The following ALDH1A2 variants were observed in gnomAD, a reference collection of about 807,000 sequenced individuals.
The protein encoded by ALDH1A2 is aldehyde dehydrogenase 1 family member A2.
ALDH1A2 carries 27 observed loss-of-function variants against 60.3 expected under a neutral mutation model. That is an observed-to-expected ratio of 0.45 (90% CI 0.33 to 0.62). The LOEUF (loss-of-function observed/expected upper bound fraction) is 0.62. ALDH1A2 is among the 20% of genes least tolerant of loss of function. The probability of loss-of-function intolerance (pLI) is 0.02; values close to 1 mark genes in which losing one functional copy is unlikely to be tolerated. For synonymous variants in ALDH1A2, 289 were observed against 232.4 expected, an observed-to-expected ratio of 1.24 and a Z score of -2.21; for missense variants, 581 against 643.8, an observed-to-expected ratio of 0.90 and a Z score of 1.06.
intron 7 of ALDH1A2, among the ~76,000 whole-genome samples, chr15:57,988,124 C>T (rs774475989): frequency 3.9e-5 from 6 of 152,008 alleles, no homozygotes; most frequent in African/African-American, 1.4e-4. Context: ...AATTTTAAAA[C>T]AAAAACAGCA....
chr15:58,050,743 A>G (rs1896753875), intron 1 of ALDH1A2, among the ~76,000 whole-genome samples: 1 of 152,214 alleles, frequency 6.6e-6, no homozygotes, highest in Non-Finnish European at 1.5e-5. Context: ...TCTAGTCACT[A>G]AAGCCTATTT....
At chr15:58,056,058 G>C (rs186284778) in intron 1 of ALDH1A2, among the ~76,000 whole-genome samples, 1 of 152,250 alleles carries the variant, frequency 6.6e-6, no homozygotes, top group East Asian at 1.9e-4. Context: ...ACATGAGCAA[G>C]AGTACAACCA....
In ALDH1A2 at chr15:57,954,346, G is replaced by GT. The variant is rs1331483368; in HGVS notation, c.*850dup. 6.5e-6 allele frequency: 1 copy of GT among 152,700 alleles called. No homozygotes were observed. The highest frequency in any genetic ancestry group is 2.4e-5 in the African/African-American group (1 of 41,446). The allele number at this position is 152,700 out of a possible 1,614,324, so 9.5% of individuals were successfully genotyped here. On this transcript the variant is annotated 3_prime_UTR_variant, in exon 13 of 13. Transcript: ENST00000249750. ...TCAAATTCTTGGGCCTACTCGGATT[G>GT]TTTTTTGGTTGGTTCTAAGAAAAAC...
intron 1 of ALDH1A2, among the ~76,000 whole-genome samples, chr15:58,045,583 T>C (rs546567831): frequency 1.3e-5 from 2 of 152,250 alleles, no homozygotes; most frequent in South Asian, 2.1e-4. Context: ...GATGAGTTCA[T>C]GTCCTTTGCA....
chr15:58,032,012 C>A (rs1189335711), intron 1 of ALDH1A2, among the ~76,000 whole-genome samples: 2 of 152,168 alleles, frequency 1.3e-5, no homozygotes, highest in African/African-American at 4.8e-5. Context: ...TGGGTATATA[C>A]CCAAAGGATT....
At chr15:58,012,043 G>A (rs1895648298) in intron 3 of ALDH1A2, 1 of 152,060 alleles carries the variant, frequency 6.6e-6, no homozygotes, top group South Asian at 2.1e-4. Context: ...TTCCAGTCAG[G>A]AGCTCCCCTT....
At chr15:57,969,775 C>T (rs1315589201) in intron 7 of ALDH1A2, among the ~76,000 whole-genome samples, 1 of 152,056 alleles carries the variant, frequency 6.6e-6, no homozygotes, top group African/African-American at 2.4e-5. Flanking sequence ...ATTTTTAGTT[C>T]GCCATCACCT....
chr15:57,992,959 C>G lies in ALDH1A2; in HGVS notation c.670G>C (p.Ala224Pro). The G allele has an allele frequency of 6.2e-7, 1 of 1,614,076 alleles. No homozygotes were observed. The highest frequency in any genetic ancestry group is 2.2e-5 in the East Asian group (1 of 44,874). The change falls in exon 6 of 13, where the codon GCC (alanine) becomes CCC (proline). Residue 224 changes from alanine (A) to proline (P), a missense_variant. This residue lies in a region of ALDH1A2 where 375 missense variants were observed against 469.7 expected (regional missense o/e 0.80). Transcript: ENST00000249750. Reference sequence around the variant, plus strand: ...GTTTCTCTTACCTCCTTGATGAGGGCTCCCATGTAGAGTGCACTGAGTGGT... The same window carrying G: ...GTTTCTCTTACCTCCTTGATGAGGGGTCCCATGTAGAGTGCACTGAGTGGT... ...QTPLSALYMG[A>P]LIKEAGFPPG...
chr15:58,049,400 G>T (rs922504070), intron 1 of ALDH1A2, among the ~76,000 whole-genome samples: 9 of 152,112 alleles, frequency 5.9e-5, no homozygotes, highest in Non-Finnish European at 1.2e-4. Flanking sequence ...TTGAGTGGTT[G>T]TAAGGATTAA....
At chr15:57,985,886 G>A (rs986934025) in intron 7 of ALDH1A2, among the ~76,000 whole-genome samples, 7 of 152,146 alleles carry the variant, frequency 4.6e-5, no homozygotes, top group Non-Finnish European at 1.0e-4. Context: ...ACTTATGAGA[G>A]TAAAGTACTG....
At chr15:57,977,717 G>T (rs1199503593) in intron 7 of ALDH1A2, among the ~76,000 whole-genome samples, 1 of 152,170 alleles carries the variant, frequency 6.6e-6, no homozygotes, top group African/African-American at 2.4e-5. Context: ...GATTCCATAT[G>T]AAATTTAAAG....
At chr15:57,990,109 T>TA (rs1363565658) in intron 7 of ALDH1A2, 1 of 152,142 alleles carries the variant, frequency 6.6e-6, no homozygotes, top group Admixed American at 6.5e-5. Flanking sequence ...ACAACTGTTT[T>TA]AAAAAAATTA....
intron 1 of ALDH1A2, among the ~76,000 whole-genome samples, chr15:58,052,933 C>A (rs1896811034): frequency 6.6e-6 from 1 of 152,120 alleles, no homozygotes; most frequent in East Asian, 1.9e-4. Context: ...AACACTTTAC[C>A]TTGGAATTCA....
At chr15:57,997,357 T>C (rs186288242) in intron 4 of ALDH1A2, among the ~76,000 whole-genome samples, 3 of 152,012 alleles carry the variant, frequency 2.0e-5, no homozygotes, top group Admixed American at 6.6e-5. Flanking sequence ...TAGAGTTTCA[T>C]TTACAAGAAA....
intron 9 of ALDH1A2, 78 bp from the exon 10 acceptor site, chr15:57,962,254 C>A (rs1893747637): frequency 3.2e-6 from 5 of 1,549,636 alleles, no homozygotes; most frequent in Admixed American, 3.4e-5. Flanking sequence ...GAGAATCTTT[C>A]ATTTTAGGGT....
At chr15:58,035,830 T>C (rs1165037092) in intron 1 of ALDH1A2, among the ~76,000 whole-genome samples, 4 of 151,714 alleles carry the variant, frequency 2.6e-5, no homozygotes, top group Admixed American at 6.6e-5. Flanking sequence ...CAGAATGTGG[T>C]CTATCTTGCT....
rs1189331385 is a variant in ALDH1A2 at position 57,960,752 on chromosome 15, A to G, written c.1484+18T>C. ...TGCAATCTATTTCTCTGCAGGCATC[A>G]GCAACTTTAAGACTTACATTTCTCT... is the stretch of plus-strand genomic sequence containing the variant. On this transcript the variant is annotated intron_variant, in intron 12 of 12. Coordinates refer to ENST00000249750, the MANE Select transcript of ALDH1A2 (RefSeq NM_003888.4). 7 of 1,609,816 alleles carry G rather than the reference A, an allele frequency of 4.3e-6. No homozygotes were observed. In the African/African-American group the frequency reaches 8.0e-5, roughly 18 times the overall value.
At position 58,045,703 on chromosome 15, in the gene ALDH1A2, G is replaced by A. The variant is rs564799486; in HGVS notation, c.117+19831C>T. 8.5e-5 allele frequency among the ~76,000 whole-genome samples: 13 copies of A among 152,078 alleles called. No homozygotes were observed. In the East Asian group the frequency reaches 1.6e-3, roughly 18 times the overall value. On this transcript the variant is annotated intron_variant, in intron 1 of 12. Transcript: ENST00000249750. ...AGCAGGAACTGAACAATGAGAACAC[G>A]TGGACACAGGATGGGGAACACCACA... is the stretch of plus-strand genomic sequence containing the variant.
intron 7 of ALDH1A2, among the ~76,000 whole-genome samples, chr15:57,978,616 T>A (rs1229901354): frequency 6.6e-6 from 1 of 152,166 alleles, no homozygotes; most frequent in African/African-American, 2.4e-5. Flanking sequence ...ATATTTCACA[T>A]TATCTCATGG....
Sources: gnomAD v4.1 joint callset for allele counts (sites outside exome capture counted in the v4.1 genomes callset) on GRCh38, gnomAD v4.1.1 for gene constraint, gnomAD v4.1.1 regional missense constraint, MANE v1.5 for transcripts, NCBI Gene and HGNC (gene_info 2026-07-23, HGNC 2026-07-21) for gene names.